Variants in TBC1D30 observed in about 807,000 individuals in gnomAD.
The protein encoded by TBC1D30 is TBC1 domain family, member 30.
A neutral mutation model predicts 63.2 loss-of-function variants in TBC1D30; 31 were observed. The ratio of observed to expected loss-of-function variants is 0.49; its 90% CI spans 0.37 to 0.66. TBC1D30 has a LOEUF of 0.66. TBC1D30 is among the 30% of genes least tolerant of loss of function. TBC1D30 has a pLI of 0.00. For synonymous variants in TBC1D30, 307 were observed against 361.5 expected, an observed-to-expected ratio of 0.85 and a Z score of 1.71; for missense variants, 810 against 953.6, an observed-to-expected ratio of 0.85 and a Z score of 1.98.
chr12:64,870,457 A>G, intron 10 of TBC1D30, 145 bp from the exon 11 acceptor site: 1 of 650,400 alleles, frequency 1.5e-6, no homozygotes, highest in South Asian at 1.9e-5. Context: ...AATAAGCACT[A>G]GACAAACTCT....
chr12:64,760,829 C>CA (rs35870571), intron 1 of TBC1D30, among the ~76,000 whole-genome samples: 80,477 of 143,342 alleles, frequency 0.56, 22,632 homozygotes, highest in East Asian at 0.89. Context: ...AGGGCTTATG[C>CA]AAAAAAAAAA....
Position 64,781,078 on chromosome 12 carries a change from C to A in TBC1D30, c.270C>A (p.Tyr90Ter). Reference sequence around the variant, plus strand: ...TGAGCGGGCTGCTCAACGAGCTGTACAGCTGCACAGAGGAGGAGGAGGCGG... The same window carrying A: ...TGAGCGGGCTGCTCAACGAGCTGTAAAGCTGCACAGAGGAGGAGGAGGCGG... The change falls in exon 1 of 13, where the codon TAC becomes TAA. Residue 90 changes from tyrosine to a stop codon, truncating the protein, a stop_gained. Transcript: ENST00000542120. LOFTEE classifies it high-confidence loss of function. The A allele has an allele frequency of 9.9e-7, 1 of 1,012,874 alleles. No individual in the cohort carries two copies. The highest frequency in any genetic ancestry group is 1.2e-6 in the Non-Finnish European group (1 of 847,768). The allele number at this position is 1,012,874 out of a possible 1,614,324, so 62.7% of individuals were successfully genotyped here.
Position 64,878,376 on chromosome 12 carries a change from G to T in TBC1D30, c.*2588G>T, listed in dbSNP as rs1879235311. On this transcript the variant is annotated 3_prime_UTR_variant, in exon 12 of 12. Transcript: ENST00000539867. Reference sequence around the variant, plus strand: ...TGGACACTGTATGCAAACACCAGAAGTACTTAACAAGTAGTGGTTTCTTGA... The same window carrying T: ...TGGACACTGTATGCAAACACCAGAATTACTTAACAAGTAGTGGTTTCTTGA... The T allele has an allele frequency of 2.2e-6, 1 of 454,494 alleles. No individual in the cohort carries two copies. The highest frequency in any genetic ancestry group is 2.0e-5 in the African/African-American group (1 of 49,940). The allele number at this position is 454,494 out of a possible 1,614,324, so 28.2% of individuals were successfully genotyped here.
intron 2 of TBC1D30, among the ~76,000 whole-genome samples, chr12:64,817,401 T>C (rs1736752911): frequency 1.3e-5 from 2 of 152,188 alleles, no homozygotes; most frequent in South Asian, 2.1e-4. Context: ...CTCAAGGACA[T>C]AGAGGAAGCA....
At chr12:64,835,006 T>C (rs1041985863) in intron 5 of TBC1D30, among the ~76,000 whole-genome samples, 39 of 152,276 alleles carry the variant, frequency 2.6e-4, no homozygotes, top group African/African-American at 8.9e-4. Context: ...TCTGCATTCA[T>C]GATCCTGTAA....
intron 1 of TBC1D30, among the ~76,000 whole-genome samples, chr12:64,763,592 T>C (rs945998236): frequency 3.3e-5 from 5 of 152,018 alleles, no homozygotes; most frequent in African/African-American, 1.2e-4. Flanking sequence ...TTTATCACTT[T>C]GGTTTTGTAT....
Position 64,781,834 on chromosome 12 carries a change from C to G in TBC1D30, c.478+548C>G, listed in dbSNP as rs985657515. 4.6e-5 allele frequency among the ~76,000 whole-genome samples: 7 copies of G among 151,450 alleles called. 1 individual carries two copies. In the South Asian group the frequency reaches 1.5e-3, roughly 31 times the overall value. ...TCTATTTCTGCCAGAGCGTACGGTT[C>G]CAGGCAGCTCACTAGGAATTTTTGT... On this transcript the variant is annotated intron_variant, in intron 1 of 12. Coordinates refer to the TBC1D30 transcript ENST00000542120.
intron 1 of TBC1D30, among the ~76,000 whole-genome samples, chr12:64,771,350 C>T (rs546446189): frequency 7.2e-5 from 11 of 152,184 alleles, no homozygotes; most frequent in East Asian, 1.9e-4. Context: ...GAGCCCAGAT[C>T]GAGATGGAAC....
Position 64,832,178 on chromosome 12 carries a change from T to C in TBC1D30, c.468T>C (p.Val156=). 6.5e-7 allele frequency: 1 copy of C among 1,536,136 alleles called. No homozygotes were observed. ...YCGQEAEQDR[V]VLKRVLLAYA... is the part of the protein sequence containing the mutation. The stretch of plus-strand genomic sequence containing the variant: ...GCCAGGAGGCTGAGCAGGACAGGGT[T>C]GTGTTGAAGCGGGTGCTGCTGGCCT... The change falls in exon 5 of 12, where the codon GTT becomes GTC. Residue 156 remains valine, a synonymous_variant. Coordinates refer to ENST00000539867, the MANE Select transcript of TBC1D30 (RefSeq NM_015279.2).
intron 1 of TBC1D30, among the ~76,000 whole-genome samples, chr12:64,775,386 A>C: frequency 6.6e-6 from 1 of 152,210 alleles, no homozygotes; most frequent in East Asian, 1.9e-4. Context: ...CAAGAGACCC[A>C]TCTCATGTGC....
rs1306737623 is a variant in TBC1D30 at position 64,879,551 on chromosome 12, A to G, written c.*3763A>G. 1 of 152,222 alleles carries G rather than the reference A, an allele frequency of 6.6e-6. No individual in the cohort carries two copies. Among genetic ancestry groups the G allele is most frequent in the African/African-American group, 2.4e-5 (1 of 41,464 alleles). The allele number at this position is 152,222 out of a possible 1,614,324, so 9.4% of individuals were successfully genotyped here. A position where few individuals can be genotyped will look rare whatever the true frequency, so the allele number is the denominator to read the frequency against. On this transcript the variant is annotated 3_prime_UTR_variant, in exon 12 of 12. Transcript: ENST00000539867. Reference sequence around the variant, plus strand: ...TGCCTGCTTCTCTACATCCTGGAAGAGGCAGCAGTCTCTTTCCTTTTTTTT... The same window carrying G: ...TGCCTGCTTCTCTACATCCTGGAAGGGGCAGCAGTCTCTTTCCTTTTTTTT...
chr12:64,864,791 TA>T lies in TBC1D30; in HGVS notation c.1151+14del. ...CACCTCAGTTTCTGGGTAAGGTTTT[TA>T]AATTCCTTGTTGTTTTCATGATGGA... On this transcript the variant is annotated intron_variant, in intron 9 of 11. Coordinates refer to ENST00000539867, the MANE Select transcript of TBC1D30 (RefSeq NM_015279.2). The T allele has an allele frequency of 6.6e-7, 1 of 1,512,316 alleles. No individual in the cohort carries two copies. Among genetic ancestry groups the T allele is most frequent in the Non-Finnish European group, 8.9e-7 (1 of 1,125,884 alleles). 93.7% of individuals were successfully genotyped at this position (1,512,316 alleles called of 1,614,324 possible).
At chr12:64,763,194 G>C (rs544261242) in intron 1 of TBC1D30, among the ~76,000 whole-genome samples, 1 of 152,132 alleles carries the variant, frequency 6.6e-6, no homozygotes, top group South Asian at 2.1e-4. Flanking sequence ...GACTTCAGGT[G>C]ATCTACCCGC....
At chr12:64,776,719 A>G (rs892024711), upstream of TBC1D30, among the ~76,000 whole-genome samples, 5 of 152,218 alleles carry the variant, frequency 3.3e-5, no homozygotes, top group African/African-American at 1.2e-4. Context: ...AACTATTTCA[A>G]AAAGTTGAAA....
intron 8 of TBC1D30, among the ~76,000 whole-genome samples, chr12:64,861,164 G>A (rs562108295): frequency 4.6e-5 from 7 of 152,312 alleles, no homozygotes; most frequent in African/African-American, 1.4e-4. Flanking sequence ...AAACATCTGC[G>A]TGAAGATGAA....
chr12:64,875,405 G>A lies in TBC1D30; in HGVS notation c.1903G>A (p.Gly635Arg). 1 of 1,536,198 alleles carries A rather than the reference G, an allele frequency of 6.5e-7. No homozygotes were observed. The highest frequency in any genetic ancestry group is 8.7e-7 in the Non-Finnish European group (1 of 1,146,930). ...PEGSTRRTIE[G>R]QSPEPVFGDA... is the part of the protein sequence containing the mutation. ...AGGCAGTACCAGGAGGACGATCGAG[G>A]GGCAGTCTCCGGAGCCGGTGTTCGG... The change falls in exon 12 of 12, where the codon GGG becomes AGG. Residue 635 changes from glycine to arginine, a missense_variant. By Grantham distance (125) the Gly-to-Arg change is moderately radical (BLOSUM62 -2). This residue lies in a region of TBC1D30 where 450 missense variants were observed against 473.0 expected (regional missense o/e 0.95). Transcript: ENST00000539867.
intron 5 of TBC1D30, among the ~76,000 whole-genome samples, chr12:64,835,897 G>T (rs1875307445): frequency 6.6e-6 from 1 of 152,142 alleles, no homozygotes; most frequent in Non-Finnish European, 1.5e-5. Flanking sequence ...ATAGCAATTT[G>T]AAGAACCTCT....
intron 8 of TBC1D30, among the ~76,000 whole-genome samples, chr12:64,848,142 C>T (rs2136417233): frequency 6.6e-6 from 1 of 151,986 alleles, no homozygotes; most frequent in African/African-American, 2.4e-5. Context: ...TAATGACCTT[C>T]TTTGTCTCTT....
chr12:64,817,935 C>T (rs187754013), intron 2 of TBC1D30, among the ~76,000 whole-genome samples: 449 of 152,022 alleles, frequency 3.0e-3, no homozygotes, highest in African/African-American at 0.01. Flanking sequence ...TGGTGGCATG[C>T]ACCTGTAATC....
Sources: allele counts gnomAD v4.1 joint callset (sites outside exome capture counted in the v4.1 genomes callset), GRCh38; gene constraint gnomAD v4.1.1; regional missense constraint gnomAD v4.1.1; transcripts MANE v1.5; gene names NCBI Gene and HGNC (gene_info 2026-07-23, HGNC 2026-07-21).